Variants in LMNB2 observed in about 807,000 individuals in gnomAD.
The protein encoded by LMNB2 is lamin B2.
A neutral mutation model predicts 69.3 loss-of-function variants in LMNB2; 17 were observed. The ratio of observed to expected loss-of-function variants is 0.25; its 90% CI spans 0.17 to 0.37. The LOEUF is 0.37. Ranked by LOEUF, LMNB2 falls within the 10% of genes least tolerant of loss-of-function variation. The pLI is 1.00. For missense variants in LMNB2, 789 were observed against 883.6 expected (o/e 0.89, Z 1.36); for synonymous variants, 397 against 389.3 (o/e 1.02, Z -0.23).
At chr19:2,451,683 G>T (rs1028598459) in intron 1 of LMNB2, among the ~76,000 whole-genome samples, 18 of 152,344 alleles carry the variant, frequency 1.2e-4, no homozygotes, top group Non-Finnish European at 2.1e-4. Flanking sequence ...GTCCACACAT[G>T]TGGGCCTGGC....
At chr19:2,449,776 C>CA (rs1168529238) in intron 1 of LMNB2, among the ~76,000 whole-genome samples, 2 of 150,318 alleles carry the variant, frequency 1.3e-5, no homozygotes, top group South Asian at 2.1e-4. Flanking sequence ...GACCCTGTCT[C>CA]AAAAAAAATA....
intron 4 of LMNB2, chr19:2,437,137 C>T (rs1971837554): frequency 6.5e-6 from 1 of 153,692 alleles, no homozygotes; most frequent in Non-Finnish European, 1.4e-5. Context: ...CAGCAGCTCT[C>T]CCTGGGCAGG....
rs1971970173 is a variant in LMNB2 at position 2,447,544 on chromosome 19, G to C, written c.265-3004C>G. On this transcript the variant is annotated intron_variant, in intron 1 of 11. Transcript: ENST00000325327. This position sits in a 1 kb window ranked among gnomAD's most constrained non-coding sequence, Gnocchi z 4.4. ...AAACGCGAAACCTACGGGTGAGCTGGGTGAACCTTATGAGGCGGGAATTAA... is the reference window on the plus strand; with the variant it reads ...AAACGCGAAACCTACGGGTGAGCTGCGTGAACCTTATGAGGCGGGAATTAA... Among the ~76,000 whole-genome samples, 2 of 152,184 alleles carry C rather than the reference G, an allele frequency of 1.3e-5. No homozygotes were observed. The highest frequency in any genetic ancestry group is 4.8e-5 in the African/African-American group (2 of 41,442).
chr19:2,438,608 G>A lies in LMNB2; in HGVS notation c.402-77C>T, dbSNP rs900444733. On this transcript the variant is annotated intron_variant, in intron 2 of 11. Coordinates refer to ENST00000325327, the MANE Select transcript of LMNB2 (RefSeq NM_032737.4). ...CAGGGAGCACCTCAGGGGGCGTCAG[G>A]CAAGCCCAAAGACAAGGTCACCGAG... 3.9e-6 allele frequency: 6 copies of A among 1,542,306 alleles called. No homozygotes were observed. The African/African-American group carries it at 8.2e-5, about 21-fold the overall frequency.
chr19:2,435,668 A>G (rs1273354881), intron 4 of LMNB2, among the ~76,000 whole-genome samples: 1 of 152,166 alleles, frequency 6.6e-6, no homozygotes, highest in Non-Finnish European at 1.5e-5. Flanking sequence ...AAAAAGGTGG[A>G]CTTAAAATAG....
intron 1 of LMNB2, among the ~76,000 whole-genome samples, chr19:2,446,503 G>A (rs889544357): frequency 2.0e-5 from 3 of 152,196 alleles, no homozygotes; most frequent in African/African-American, 4.8e-5. Flanking sequence ...CTCTGCACGC[G>A]CCAGCTGGGG....
At position 2,435,097 on chromosome 19, in the gene LMNB2, G is replaced by A; in HGVS notation, c.759C>T (p.Asp253=). 1 of 1,609,962 alleles carries A rather than the reference G, an allele frequency of 6.2e-7. No individual in the cohort carries two copies. Among genetic ancestry groups the A allele is most frequent in the Non-Finnish European group, 8.5e-7 (1 of 1,179,648 alleles). ...EVDSSRQQEY[D]FKMAQALEEL... The stretch of plus-strand genomic sequence containing the variant: ...CCTCCAGCGCCTGTGCCATCTTGAA[G>A]TCGTACTCCTGCTGCCGGCTGCTGT... The change falls in exon 5 of 12, where the codon GAC becomes GAT. Residue 253 remains aspartate (D), a synonymous_variant. Transcript: ENST00000325327.
chr19:2,454,229 G>C (rs1347219867), intron 1 of LMNB2, among the ~76,000 whole-genome samples: 1 of 151,240 alleles, frequency 6.6e-6, no homozygotes, highest in Non-Finnish European at 1.5e-5. Flanking sequence ...GGAGGCAGAG[G>C]GTGCGGGGAG....
At chr19:2,431,214 G>A (rs1971735066) in intron 11 of LMNB2, among the ~76,000 whole-genome samples, 1 of 152,214 alleles carries the variant, frequency 6.6e-6, no homozygotes, top group African/African-American at 2.4e-5. Context: ...CTTCTCCCCA[G>A]AAGCCAGTAT....
rs973957165 is a variant in LMNB2, at chr19:2,447,747, C to T, written c.265-3207G>A. On this transcript the variant is annotated intron_variant, in intron 1 of 11. Transcript: ENST00000325327. The surrounding 1 kb of genome is among the most constrained non-coding windows in gnomAD (Gnocchi z 4.4). Reference sequence around the variant, plus strand: ...GAGGGCCACACCCCCATGTTACAGGCGAGGCTCCTGTGCAGAGGGCTGGGG... The same window carrying T: ...GAGGGCCACACCCCCATGTTACAGGTGAGGCTCCTGTGCAGAGGGCTGGGG... Among the ~76,000 whole-genome samples the T allele has an allele frequency of 1.3e-5, 2 of 152,126 alleles. No homozygotes were observed. The highest frequency in any genetic ancestry group is 4.1e-4 in the South Asian group (2 of 4,824).
At chr19:2,438,582 A>ACAGGGAGCACCT (rs774160948) in intron 2 of LMNB2, 51 bp from the exon 3 acceptor site, 1 of 1,590,530 alleles carries the variant, frequency 6.3e-7, no homozygotes, top group South Asian at 1.1e-5. Flanking sequence ...CCATGGGGCC[A>ACAGGGAGCACCT]CAGGGAGCAC....
At chr19:2,431,951 G>C (rs990704026) in intron 9 of LMNB2, 49 bp from the exon 10 acceptor site, 1 of 1,574,020 alleles carries the variant, frequency 6.4e-7, no homozygotes, top group Non-Finnish European at 8.6e-7. Context: ...CTGGTTCCAG[G>C]GACGTGGGCC....
intron 2 of LMNB2, among the ~76,000 whole-genome samples, chr19:2,440,035 C>T (rs1971877443): frequency 6.6e-6 from 1 of 152,042 alleles, no homozygotes; most frequent in Non-Finnish European, 1.5e-5. Context: ...CCTGGTCCCC[C>T]AGGGCCTTTC....
chr19:2,431,874 T>C lies in LMNB2; in HGVS notation c.1619A>G (p.His540Arg). The C allele has an allele frequency of 3.1e-6, 5 of 1,612,854 alleles. No homozygotes were observed. Among genetic ancestry groups the C allele is most frequent in the Non-Finnish European group, 4.2e-6 (5 of 1,179,872 alleles). ...TVWAAGAGVA[H>R]SPPSTLVWKG... ...CCACACCAGCGTCGAGGGGGGGCTG[T>C]GGGCCACCCCCGCACCAGCTGCCCA... Residue 540 changes from histidine (H) to arginine (R), a missense_variant, in exon 10 of 12, where the codon CAC becomes CGC. By Grantham distance (29) the His-to-Arg change is conservative. This residue lies in a region of LMNB2 where 609 missense variants were observed against 630.9 expected (regional missense o/e 0.97). Coordinates refer to ENST00000325327, the MANE Select transcript of LMNB2 (RefSeq NM_032737.4).
In LMNB2 at chr19:2,444,390, C is replaced by A; in HGVS notation, c.401+14G>T. The A allele has an allele frequency of 6.2e-7, 1 of 1,613,534 alleles. No individual in the cohort carries two copies. Among genetic ancestry groups the A allele is most frequent in the African/African-American group, 1.3e-5 (1 of 75,044 alleles). On this transcript the variant is annotated intron_variant, in intron 2 of 11. Coordinates refer to ENST00000325327, the MANE Select transcript of LMNB2 (RefSeq NM_032737.4). ...AGGATCAGGGTGACGTCGTGCCCAG[C>A]CGTGACCACTCACCTCTTGTTGACC... is the stretch of plus-strand genomic sequence containing the variant.
intron 1 of LMNB2, among the ~76,000 whole-genome samples, chr19:2,450,111 T>TAC (rs775769718): frequency 0.25 from 36,210 of 146,908 alleles, 4,444 homozygotes; most frequent in Middle Eastern, 0.3. Flanking sequence ...CATATACATA[T>TAC]ATATATACAC....
In LMNB2 at chr19:2,430,956, CAGGA is replaced by C. The variant is rs542821471; in HGVS notation, c.1822-8_1822-5del. 207 of 1,604,858 alleles carry C rather than the reference CAGGA, an allele frequency of 1.3e-4. No homozygotes were observed. The highest frequency in any genetic ancestry group is 2.7e-4 in the African/African-American group (20 of 74,828). On this transcript the variant is annotated splice_region_variant and splice_polypyrimidine_tract_variant and intron_variant, in intron 11 of 11. Coordinates refer to ENST00000325327, the MANE Select transcript of LMNB2 (RefSeq NM_032737.4). Reference sequence around the variant, plus strand: ...TTGAGGTGGTCCTCGGGTCCCCCTGCAGGAAGGAAGGAAGGAAGGTCGGCCATGA... The same window carrying C: ...TTGAGGTGGTCCTCGGGTCCCCCTGCAGGAAGGAAGGAAGGTCGGCCATGA...
chr19:2,431,881 C>T lies in LMNB2; in HGVS notation c.1612G>A (p.Val538Met). Residue 538 changes from valine to methionine, a missense_variant, in exon 10 of 12, where the codon GTG becomes ATG. This residue lies in a region of LMNB2 where 609 missense variants were observed against 630.9 expected (regional missense o/e 0.97). Transcript: ENST00000325327. ...MVTVWAAGAG[V>M]AHSPPSTLVW... ...AGCGTCGAGGGGGGGCTGTGGGCCACCCCCGCACCAGCTGCCCACACCTGA... is the reference window on the plus strand; with the variant it reads ...AGCGTCGAGGGGGGGCTGTGGGCCATCCCCGCACCAGCTGCCCACACCTGA... 2 of 1,612,456 alleles carry T rather than the reference C, an allele frequency of 1.2e-6. No homozygotes were observed. The highest frequency in any genetic ancestry group is 2.2e-5 in the East Asian group (1 of 44,872).
intron 9 of LMNB2, 88 bp downstream of exon 9, chr19:2,432,328 A>ACCCCC: frequency 5.2e-6 from 2 of 384,254 alleles, no homozygotes; most frequent in Non-Finnish European, 9.7e-6. Flanking sequence ...ATCCCCACCC[A>ACCCCC]CCCCCGCCAA....
Sources: allele counts gnomAD v4.1 joint callset (sites outside exome capture counted in the v4.1 genomes callset), GRCh38; gene constraint gnomAD v4.1.1; regional missense constraint gnomAD v4.1.1; non-coding constraint Gnocchi (gnomAD v3.1); transcripts MANE v1.5; gene names NCBI Gene and HGNC (gene_info 2026-07-23, HGNC 2026-07-21).